Variants in STAC observed in about 807,000 individuals in gnomAD.
STAC encodes SH3 and cysteine-rich domain-containing protein.
A neutral mutation model predicts 48.8 loss-of-function variants in STAC; 43 were observed. The observed-to-expected ratio is 0.88, with a 90% CI of 0.69 to 1.14. The LOEUF (loss-of-function observed/expected upper bound fraction) is 1.14. STAC is among the 50% of genes most tolerant of loss of function. The probability of loss-of-function intolerance (pLI) is 0.00; values close to 1 mark genes in which losing one functional copy is unlikely to be tolerated. For missense variants in STAC, 497 were observed against 504.0 expected, an observed-to-expected ratio of 0.99 and a Z score of 0.13; for synonymous variants, 193 against 179.5, an observed-to-expected ratio of 1.07 and a Z score of -0.60.
At chr3:36,401,949 A>G (rs1575176853) in intron 1 of STAC, among the ~76,000 whole-genome samples, 2 of 152,286 alleles carry the variant, frequency 1.3e-5, no homozygotes, top group South Asian at 4.2e-4. Flanking sequence ...TGATTTAGGT[A>G]CATCATTTTA....
chr3:36,533,773 G>A (rs1309350025), intron 10 of STAC, among the ~76,000 whole-genome samples: 2 of 152,078 alleles, frequency 1.3e-5, no homozygotes, highest in South Asian at 2.1e-4. Context: ...AAACAATTCA[G>A]CCTCTTCAGC....
intron 1 of STAC, among the ~76,000 whole-genome samples, chr3:36,414,462 C>T (rs142151557): frequency 0.023 from 3,538 of 152,180 alleles, 61 homozygotes; most frequent in East Asian, 0.026. Flanking sequence ...TCCAGTTGAT[C>T]GAATGGGCTA....
chr3:36,386,365 C>T (rs890182951), intron 1 of STAC, among the ~76,000 whole-genome samples: 2 of 150,270 alleles, frequency 1.3e-5, no homozygotes, highest in Non-Finnish European at 3.0e-5. Flanking sequence ...GATATGAGAA[C>T]GTTGAGAGAA....
At chr3:36,414,674 T>G (rs923430827) in intron 1 of STAC, among the ~76,000 whole-genome samples, 4 of 152,080 alleles carry the variant, frequency 2.6e-5, no homozygotes, top group Admixed American at 6.6e-5. Context: ...TTCTCTCAAC[T>G]CGTCATTCTC....
rs2125716542 is a variant in STAC, at chr3:36,510,100, A to G, written c.920+4266A>G. 3.3e-5 allele frequency among the ~76,000 whole-genome samples: 5 copies of G among 152,308 alleles called. No homozygotes were observed. The Middle Eastern group carries it at 0.017, about 522-fold the overall frequency. On this transcript the variant is annotated intron_variant, in intron 8 of 10. Transcript: ENST00000273183. Reference sequence around the variant, plus strand: ...AATATGCAGAATCGACAAGGAACTTAAACAAATTTACAAGAAAAAAACCCC... The same window carrying G: ...AATATGCAGAATCGACAAGGAACTTGAACAAATTTACAAGAAAAAAACCCC...
At chr3:36,521,208 A>G (rs1368849869) in intron 8 of STAC, among the ~76,000 whole-genome samples, 1 of 151,998 alleles carries the variant, frequency 6.6e-6, no homozygotes, top group African/African-American at 2.4e-5. Context: ...CTAATGAATG[A>G]GAAAGGGCAG....
At chr3:36,538,502 T>A (rs1019663182) in intron 10 of STAC, among the ~76,000 whole-genome samples, 8 of 152,216 alleles carry the variant, frequency 5.3e-5, no homozygotes, top group African/African-American at 1.9e-4. Flanking sequence ...TGTCTCTAAC[T>A]CTGATTATTT....
chr3:36,493,149 A>G lies in STAC; in HGVS notation c.688-2A>G, dbSNP rs1347893009. 1.2e-6 allele frequency: 2 copies of G among 1,612,748 alleles called. No homozygotes were observed. Among genetic ancestry groups the G allele is most frequent in the Non-Finnish European group, 1.7e-6 (2 of 1,179,258 alleles). On this transcript the variant is annotated splice_acceptor_variant, in intron 5 of 10. Coordinates refer to ENST00000273183, the MANE Select transcript of STAC (RefSeq NM_003149.3). LOFTEE classifies it high-confidence loss of function. ...CCCATGCTCTTTCTTCTTTCCTCCAAGACTTCAGATCTTGTGGAGGTTCCT... is the reference window on the plus strand; with the variant it reads ...CCCATGCTCTTTCTTCTTTCCTCCAGGACTTCAGATCTTGTGGAGGTTCCT...
intron 2 of STAC, among the ~76,000 whole-genome samples, chr3:36,467,761 T>C (rs1206921085): frequency 6.6e-6 from 1 of 152,136 alleles, no homozygotes; most frequent in Admixed American, 6.5e-5. Flanking sequence ...GCTCTATCAA[T>C]TTTATTTATT....
intron 1 of STAC, among the ~76,000 whole-genome samples, chr3:36,413,389 T>C (rs1700241035): frequency 6.6e-6 from 1 of 152,254 alleles, no homozygotes; most frequent in Admixed American, 6.5e-5. Context: ...TTAGGATAGT[T>C]AGCTCTTGCT....
chr3:36,417,564 C>T (rs1700348186), intron 1 of STAC, among the ~76,000 whole-genome samples: 3 of 145,204 alleles, frequency 2.1e-5, no homozygotes, highest in South Asian at 2.1e-4. Context: ...TATTTGACCA[C>T]AGAATATAAT....
intron 1 of STAC, among the ~76,000 whole-genome samples, chr3:36,425,219 C>A (rs530042899): frequency 5.9e-5 from 9 of 152,272 alleles, no homozygotes; most frequent in Admixed American, 2.6e-4. Flanking sequence ...AAGTTAATCA[C>A]CAGTAATGGA....
At chr3:36,485,274 C>T (rs1697773900) in intron 4 of STAC, among the ~76,000 whole-genome samples, 1 of 152,154 alleles carries the variant, frequency 6.6e-6, no homozygotes. Context: ...GCTCAGAAAA[C>T]ACCTAAATCC....
In STAC at chr3:36,517,643, G is replaced by C. The variant is rs192219758; in HGVS notation, c.921-11053G>C. On this transcript the variant is annotated intron_variant, in intron 8 of 10. Coordinates refer to ENST00000273183, the MANE Select transcript of STAC (RefSeq NM_003149.3). ...CACTCCAGCCTGAATGACAGAGCTAGACCCTATCTATCTATCTATCTATCT... is the reference window on the plus strand; with the variant it reads ...CACTCCAGCCTGAATGACAGAGCTACACCCTATCTATCTATCTATCTATCT... 2.2e-3 allele frequency among the ~76,000 whole-genome samples: 336 copies of C among 151,358 alleles called. 2 individuals are homozygous for C. The highest frequency in any genetic ancestry group is 2.9e-3 in the Non-Finnish European group (195 of 67,538).
At chr3:36,421,076 A>G (rs541215042) in intron 1 of STAC, among the ~76,000 whole-genome samples, 1 of 152,228 alleles carries the variant, frequency 6.6e-6, no homozygotes, top group South Asian at 2.1e-4. Flanking sequence ...TTTGTAGTTT[A>G]CCCATTTTCC....
intron 10 of STAC, among the ~76,000 whole-genome samples, chr3:36,535,611 T>C (rs1200205267): frequency 2.0e-5 from 3 of 152,226 alleles, no homozygotes; most frequent in Admixed American, 2.0e-4. Flanking sequence ...GGGTTTGCCA[T>C]AAATGGCTCT....
chr3:36,385,736 T>C (rs1699602783), intron 1 of STAC, among the ~76,000 whole-genome samples: 1 of 152,144 alleles, frequency 6.6e-6, no homozygotes, highest in Admixed American at 6.5e-5. Context: ...TTCTGAACTT[T>C]TGATAAATTG....
In STAC at chr3:36,528,681, C is replaced by G; in HGVS notation, c.921-15C>G. ...TTTTTTTTCCTTTACCTAACTCATTCATTCTTCATTTTAGGCCAGGAGACA... is the reference window on the plus strand; with the variant it reads ...TTTTTTTTCCTTTACCTAACTCATTGATTCTTCATTTTAGGCCAGGAGACA... On this transcript the variant is annotated splice_polypyrimidine_tract_variant and intron_variant, in intron 8 of 10. Coordinates refer to ENST00000273183, the MANE Select transcript of STAC (RefSeq NM_003149.3). The G allele has an allele frequency of 6.4e-7, 1 of 1,571,940 alleles. No homozygotes were observed. Among genetic ancestry groups the G allele is most frequent in the South Asian group, 1.2e-5 (1 of 81,950 alleles).
At chr3:36,404,930 A>G (rs1700062384) in intron 1 of STAC, among the ~76,000 whole-genome samples, 2 of 152,212 alleles carry the variant, frequency 1.3e-5, no homozygotes, top group South Asian at 2.1e-4. Context: ...AAATGCATCT[A>G]TTAGGTTGGT....
Sources: allele counts gnomAD v4.1 joint callset (sites outside exome capture counted in the v4.1 genomes callset), GRCh38; gene constraint gnomAD v4.1.1; transcripts MANE v1.5; gene names NCBI Gene and HGNC (gene_info 2026-07-23, HGNC 2026-07-21).